The following VCL variants were observed in gnomAD, a reference collection of about 807,000 sequenced individuals.
VCL encodes epididymis luminal protein 114.
In VCL, 47 loss-of-function variants were observed where a neutral mutation model predicts 125.7. The ratio of observed to expected loss-of-function variants is 0.37; its 90% confidence interval spans 0.30 to 0.48. VCL has a LOEUF of 0.48. Among genes scored for constraint, VCL ranks in the 20% least tolerant of loss-of-function variants. The pLI, the probability that VCL is intolerant of heterozygous loss-of-function variation, is 0.99. For missense variants in VCL, 1,069 were observed against 1,455.5 expected (o/e 0.73, Z 4.32); for synonymous variants, 458 against 514.6 (o/e 0.89, Z 1.49).
At chr10:74,105,859 C>T (rs570433897) in intron 16 of VCL, among the ~76,000 whole-genome samples, 23 of 146,540 alleles carry the variant, frequency 1.6e-4, no homozygotes, top group African/African-American at 5.0e-4. Flanking sequence ...CCAACCTCTG[C>T]GCTTTTTTAG....
At chr10:74,003,971 T>G (rs943648930) in intron 1 of VCL, among the ~76,000 whole-genome samples, 6 of 152,202 alleles carry the variant, frequency 3.9e-5, no homozygotes, top group Non-Finnish European at 8.8e-5. Flanking sequence ...TACTGCTGCC[T>G]CAGCCTCCCA....
At position 74,104,020 on chromosome 10, in the gene VCL, T is replaced by C. The variant is rs545010428; in HGVS notation, c.2131+92T>C. On this transcript the variant is annotated intron_variant, in intron 15 of 21. Transcript: ENST00000211998. The stretch of plus-strand genomic sequence containing the variant: ...GACTGGTTCTGTTACTCAGCTGTAA[T>C]TGGATAAAGGGCCGGTCACGTGCTG... The C allele has an allele frequency of 5.6e-5, 73 of 1,310,324 alleles. No homozygotes were observed. The African/African-American group carries it at 8.3e-4, about 15-fold the overall frequency. 81.2% of individuals were successfully genotyped at this position (1,310,324 alleles called of 1,614,324 possible).
chr10:74,004,429 C>T (rs140566573), intron 1 of VCL, among the ~76,000 whole-genome samples: 3 of 152,330 alleles, frequency 2.0e-5, no homozygotes, highest in Non-Finnish European at 4.4e-5. Flanking sequence ...TGGACTTGAA[C>T]TGTGGTCTGT....
Position 74,001,482 on chromosome 10 carries a change from T to C in VCL, c.168+3107T>C, listed in dbSNP as rs535342365. 3.9e-5 allele frequency among the ~76,000 whole-genome samples: 6 copies of C among 152,226 alleles called. No individual in the cohort carries two copies. In the South Asian group the frequency reaches 1.2e-3, roughly 32 times the overall value. ...CCTGGTCTGATATTTCTTTATATGG[T>C]CCTCAGTTCCTGCCCTCAAAATTGG... is the stretch of plus-strand genomic sequence containing the variant. On this transcript the variant is annotated intron_variant, in intron 1 of 21. Coordinates refer to ENST00000211998, the MANE Select transcript of VCL (RefSeq NM_014000.3).
chr10:74,070,900 A>T, intron 3 of VCL, 75 bp from the exon 4 acceptor site: 1 of 1,611,606 alleles, frequency 6.2e-7, no homozygotes, highest in Non-Finnish European at 8.5e-7. Flanking sequence ...AAATATGTTG[A>T]ATGCTGCACA....
intron 1 of VCL, among the ~76,000 whole-genome samples, chr10:74,000,696 T>C (rs1156586118): frequency 1.3e-5 from 2 of 152,148 alleles, no homozygotes; most frequent in East Asian, 3.8e-4. Flanking sequence ...TACAGGCATG[T>C]GCCACTGTGC....
At chr10:74,096,872 C>A (rs930845043) in intron 12 of VCL, among the ~76,000 whole-genome samples, 7 of 152,214 alleles carry the variant, frequency 4.6e-5, no homozygotes, top group Non-Finnish European at 7.3e-5. Context: ...GAACTCTAGC[C>A]CATCTCTGGG....
chr10:74,020,077 GA>G (rs1016186141), intron 1 of VCL, among the ~76,000 whole-genome samples: 2 of 150,472 alleles, frequency 1.3e-5, no homozygotes, highest in African/African-American at 4.9e-5. Flanking sequence ...AAAAAAAAAA[GA>G]AAAAAATTAC....
In VCL at chr10:74,114,295, G is replaced by T. The variant is rs1444609170; in HGVS notation, c.3061G>T (p.Asp1021Tyr). 6 of 1,613,996 alleles carry T rather than the reference G, an allele frequency of 3.7e-6. No homozygotes were observed. The Admixed American group carries it at 1.0e-4, about 27-fold the overall frequency. Residue 1021 changes from aspartate to tyrosine, a missense_variant, in exon 20 of 22, where the codon GAC becomes TAC. Physicochemically the swap from Asp to Tyr is radical, Grantham distance 160. Coordinates refer to ENST00000211998, the MANE Select transcript of VCL (RefSeq NM_014000.3). ...GCGGGCACTCATTCAGTGTGCCAAG[G>T]ACATCGCCAAGGCCTCAGATGAGGT... ...TKRALIQCAKDIAKASDEVTR... is the reference protein window; with the variant it reads ...TKRALIQCAKYIAKASDEVTR...
intron 16 of VCL, 81 bp from the exon 17 acceptor site, chr10:74,107,149 T>A (rs186414554): frequency 4.0e-5 from 65 of 1,610,744 alleles, no homozygotes; most frequent in Non-Finnish European, 5.5e-5. Flanking sequence ...CTTTTGTTCA[T>A]GGAACCAGTT....
intron 6 of VCL, among the ~76,000 whole-genome samples, chr10:74,079,664 A>C (rs933622382): frequency 1.3e-5 from 2 of 152,218 alleles, no homozygotes; most frequent in African/African-American, 4.8e-5. Flanking sequence ...GAATTCTGTC[A>C]ATTCTATAAT....
At chr10:74,042,315 CATCTT>C (rs1360901583) in intron 1 of VCL, among the ~76,000 whole-genome samples, 1 of 152,158 alleles carries the variant, frequency 6.6e-6, no homozygotes, top group African/African-American at 2.4e-5. Context: ...TTATAACTGT[CATCTT>C]AGTGAATACT....
intron 2 of VCL, among the ~76,000 whole-genome samples, chr10:74,065,615 C>T (rs867058793): frequency 6.6e-6 from 1 of 150,568 alleles, no homozygotes; most frequent in East Asian, 1.9e-4. Context: ...ACCAGGAGGT[C>T]GAGGCTGCAG....
intron 2 of VCL, among the ~76,000 whole-genome samples, chr10:74,062,367 A>ATTTTTT (rs34306365): frequency 2.6e-5 from 3 of 113,966 alleles, no homozygotes; most frequent in Non-Finnish European, 3.5e-5. Flanking sequence ...GCCTGGCCTG[A>ATTTTTT]TTTTTTTTTT....
chr10:74,084,765 A>G (rs1839740885), intron 8 of VCL, among the ~76,000 whole-genome samples: 1 of 151,642 alleles, frequency 6.6e-6, no homozygotes, highest in Non-Finnish European at 1.5e-5. Context: ...GGAATGCGCC[A>G]CCATGCCCGG....
At chr10:74,115,416 ATAAG>A (rs1026433134) in intron 21 of VCL, among the ~76,000 whole-genome samples, 25 of 151,282 alleles carry the variant, frequency 1.7e-4, no homozygotes, top group Non-Finnish European at 2.9e-4. Flanking sequence ...AAATAAATAA[ATAAG>A]TAAATAAAAG....
chr10:74,064,623 G>A (rs1005523721), intron 2 of VCL, among the ~76,000 whole-genome samples: 3 of 152,022 alleles, frequency 2.0e-5, no homozygotes, highest in African/African-American at 7.2e-5. Context: ...ACCCAGGCTC[G>A]TCTGGAACTC....
intron 2 of VCL, among the ~76,000 whole-genome samples, chr10:74,049,488 GCT>G (rs1841259336): frequency 6.6e-6 from 1 of 152,132 alleles, no homozygotes; most frequent in Admixed American, 6.5e-5. Context: ...CAGAGAGAGA[GCT>G]CTCTCATTAT....
In VCL at chr10:74,074,755, T is replaced by C. The variant is rs754962481; in HGVS notation, c.635T>C (p.Phe212Ser). The change falls in exon 6 of 22, where the codon TTT becomes TCT. Residue 212 changes from phenylalanine to serine, a missense_variant. Transcript: ENST00000211998. The stretch of plus-strand genomic sequence containing the variant: ...TTTATTTTTACAGCTATGAAGATTT[T>C]TGTAACAACTAAAAACTCAAAAAAC... ...LPVLISAMKI[F>S]VTTKNSKNQG... The C allele has an allele frequency of 2.5e-6, 4 of 1,613,200 alleles. No individual in the cohort carries two copies. The South Asian group carries it at 3.3e-5, about 13-fold the overall frequency.
Sources: gnomAD v4.1 joint callset for allele counts (sites outside exome capture counted in the v4.1 genomes callset) on GRCh38, gnomAD v4.1.1 for gene constraint, MANE v1.5 for transcripts, NCBI Gene and HGNC (gene_info 2026-07-23, HGNC 2026-07-21) for gene names.